NPHP4: variants seen among roughly 807,000 people sequenced by gnomAD.
NPHP4 encodes nephrocystin-4.
Under a neutral mutation model 155.8 loss-of-function variants are expected in NPHP4, and 151 were observed. The ratio of observed to expected loss-of-function variants is 0.97; its 90% CI spans 0.85 to 1.11. NPHP4 has a LOEUF of 1.11. Ranked by LOEUF, NPHP4 falls within the 50% of genes least tolerant of loss-of-function variation. The pLI is 0.00. For synonymous variants in NPHP4, 845 were observed against 816.8 expected, an observed-to-expected ratio of 1.03 and a Z score of -0.59; for missense variants, 1,956 against 1,925.7, an observed-to-expected ratio of 1.02 and a Z score of -0.29.
intron 8 of NPHP4, among the ~76,000 whole-genome samples, chr1:5,947,517 G>T (rs758751851): frequency 1.7e-4 from 26 of 152,170 alleles, no homozygotes; most frequent in Non-Finnish European, 2.9e-4. Flanking sequence ...CTCTTTCAAC[G>T]CATTTCCAAA....
In NPHP4 at chr1:5,952,746, A is replaced by G. The variant is rs1453798014; in HGVS notation, c.764T>C (p.Phe255Ser). 4 of 1,567,594 alleles carry G rather than the reference A, an allele frequency of 2.6e-6. No individual in the cohort carries two copies. Among genetic ancestry groups the G allele is most frequent in the African/African-American group, 2.7e-5 (2 of 73,652 alleles). Reference sequence around the variant, plus strand: ...GTGGAGCTCCAGCAGCTCTTCCTCAAACTTCTCCAGGGAGGGGTACAGGGT... The same window carrying G: ...GTGGAGCTCCAGCAGCTCTTCCTCAGACTTCTCCAGGGAGGGGTACAGGGT... The part of the protein sequence containing the change: ...FFTLYPSLEK[F>S]EEELLELHVQ... Residue 255 changes from phenylalanine (F) to serine (S), a missense_variant, in exon 7 of 30, where the codon TTT becomes TCT. Coordinates refer to ENST00000378156, the MANE Select transcript of NPHP4 (RefSeq NM_015102.5).
chr1:5,959,995 C>A lies in NPHP4; in HGVS notation c.673+1799G>T, dbSNP rs141749860. Among the ~76,000 whole-genome samples the A allele has an allele frequency of 1.8e-4, 27 of 152,344 alleles. No individual in the cohort carries two copies. The East Asian group carries it at 5.2e-3, about 29-fold the overall frequency. The stretch of plus-strand genomic sequence containing the variant: ...AAGCAGGCGACATCTCACAGCGGCG[C>A]CTACAGGGCCCTCCCTGGCCAGCAG... On this transcript the variant is annotated intron_variant, in intron 6 of 29. Coordinates refer to ENST00000378156, the MANE Select transcript of NPHP4 (RefSeq NM_015102.5).
chr1:5,877,250 A>G lies in NPHP4; in HGVS notation c.2660T>C (p.Leu887Pro). 2 of 1,608,458 alleles carry G rather than the reference A, an allele frequency of 1.2e-6. No homozygotes were observed. Among genetic ancestry groups the G allele is most frequent in the Non-Finnish European group, 1.7e-6 (2 of 1,176,092 alleles). ...AQKLADVDSE[L>P]AAMLLTHARQ... ...GGCATGGGTCAGTAGCATGGCAGCCAGCTCACTGTCCACGTCCGCCAGCTT... is the reference window on the plus strand; with the variant it reads ...GGCATGGGTCAGTAGCATGGCAGCCGGCTCACTGTCCACGTCCGCCAGCTT... Residue 887 changes from leucine (L) to proline (P), a missense_variant, in exon 20 of 30, where the codon CTG becomes CCG. Leu to Pro is a moderately conservative substitution (Grantham distance 98, BLOSUM62 -3). Coordinates refer to ENST00000378156, the MANE Select transcript of NPHP4 (RefSeq NM_015102.5).
intron 9 of NPHP4, among the ~76,000 whole-genome samples, chr1:5,938,373 G>C (rs200802888): frequency 1.3e-5 from 2 of 152,226 alleles, no homozygotes; most frequent in East Asian, 3.9e-4. Context: ...TGAGCAGCAG[G>C]AAGAACCAGG....
At chr1:5,870,905 G>A (rs1641934903) in intron 23 of NPHP4, among the ~76,000 whole-genome samples, 1 of 152,198 alleles carries the variant, frequency 6.6e-6, no homozygotes, top group African/African-American at 2.4e-5. Flanking sequence ...AGGCTGGTGG[G>A]GGCCACTGGA....
At position 5,947,092 on chromosome 1, in the gene NPHP4, G is replaced by A; in HGVS notation, c.1119+12C>T. On this transcript the variant is annotated intron_variant, in intron 9 of 29. Transcript: ENST00000378156. ...CACCAGAGGAAACCGAGTGCAAAAG[G>A]GCTGTTCTTACATTGCCGTCCACTC... The A allele has an allele frequency of 1.2e-6, 2 of 1,613,792 alleles. No homozygotes were observed. The highest frequency in any genetic ancestry group is 1.7e-6 in the Non-Finnish European group (2 of 1,179,796).
At chr1:5,874,827 C>G in intron 21 of NPHP4, 47 bp downstream of exon 21, 5 of 1,587,612 alleles carry the variant, frequency 3.1e-6, no homozygotes, top group Non-Finnish European at 4.3e-6. Context: ...CGGCTGCACC[C>G]GACACAGATC....
intron 6 of NPHP4, among the ~76,000 whole-genome samples, chr1:5,957,371 G>A (rs1041001733): frequency 6.6e-5 from 10 of 152,290 alleles, no homozygotes; most frequent in South Asian, 4.1e-4. Context: ...AGGCCCTAAC[G>A]GGCTCCCACA....
chr1:5,888,813 GC>G (rs1230765818), intron 17 of NPHP4, among the ~76,000 whole-genome samples: 1 of 152,190 alleles, frequency 6.6e-6, no homozygotes, highest in African/African-American at 2.4e-5. Flanking sequence ...GCCTGGCTGA[GC>G]CTTCGGGCCA....
rs1417232207 is a variant in NPHP4, at chr1:5,862,978, A to T, written c.*287T>A. The T allele has an allele frequency of 6.5e-6, 3 of 459,866 alleles. No homozygotes were observed. The highest frequency in any genetic ancestry group is 3.9e-5 in the African/African-American group (2 of 51,886). The allele number at this position is 459,866 out of a possible 1,614,324, so 28.5% of individuals were successfully genotyped here. A position where few individuals can be genotyped will look rare whatever the true frequency, so the allele number is the denominator to read the frequency against. ...AAAATACATTTTGAGCAACAGCGAT[A>T]ACGAGGGTCCCACATGCGTAGATGG... On this transcript the variant is annotated 3_prime_UTR_variant, in exon 30 of 30. Coordinates refer to ENST00000378156, the MANE Select transcript of NPHP4 (RefSeq NM_015102.5).
At chr1:5,927,448 T>A (rs1452317874) in intron 11 of NPHP4, among the ~76,000 whole-genome samples, 2 of 152,218 alleles carry the variant, frequency 1.3e-5, no homozygotes. Context: ...AGCACAAGCT[T>A]CTGGGCCACA....
chr1:5,895,860 G>A (rs1644369369), intron 16 of NPHP4, among the ~76,000 whole-genome samples: 3 of 152,188 alleles, frequency 2.0e-5, no homozygotes, highest in South Asian at 2.1e-4. Flanking sequence ...CCGTAGAAAC[G>A]GGCACAGGCG....
chr1:5,949,267 A>ACCATAAGAC (rs1464153575), intron 7 of NPHP4, among the ~76,000 whole-genome samples: 2 of 151,792 alleles, frequency 1.3e-5, no homozygotes, highest in Non-Finnish European at 2.9e-5. Context: ...CTTTGTGTTT[A>ACCATAAGAC]CATAAGACCA....
In NPHP4 at chr1:5,968,708, G is replaced by C. The variant is rs555483959; in HGVS notation, c.452+379C>G. The stretch of plus-strand genomic sequence containing the variant: ...GTACAGCCTTCTACTGCCACCATAA[G>C]ACGAGCAGTTAAACCACCATAGAAA... On this transcript the variant is annotated intron_variant, in intron 4 of 29. Transcript: ENST00000378156. Among the ~76,000 whole-genome samples the C allele has an allele frequency of 6.7e-4, 102 of 152,134 alleles. 3 individuals are homozygous for C. In the South Asian group the frequency reaches 0.02, roughly 30 times the overall value.
chr1:5,926,487 A>G (rs1488860900), intron 11 of NPHP4, among the ~76,000 whole-genome samples: 8 of 152,214 alleles, frequency 5.3e-5, no homozygotes, highest in Non-Finnish European at 7.3e-5. Flanking sequence ...ATGTGTCTGC[A>G]CTGAACACGT....
At chr1:5,877,922 G>A (rs1227212993) in intron 19 of NPHP4, among the ~76,000 whole-genome samples, 2 of 152,224 alleles carry the variant, frequency 1.3e-5, no homozygotes, top group Admixed American at 6.5e-5. Flanking sequence ...GCACTGGCAG[G>A]CAAAGGCTCA....
chr1:5,914,259 A>C (rs897832163), intron 11 of NPHP4, among the ~76,000 whole-genome samples: 4,346 of 97,326 alleles, frequency 0.045, 239 homozygotes, highest in African/African-American at 0.15. Context: ...TATCTATACA[A>C]AAAAAAAAAA....
intron 23 of NPHP4, among the ~76,000 whole-genome samples, chr1:5,872,710 T>C (rs1642129003): frequency 6.6e-6 from 1 of 152,208 alleles, no homozygotes; most frequent in Admixed American, 6.5e-5. Flanking sequence ...TGTTTTTCAC[T>C]TCCCAACTAC....
In NPHP4 at chr1:5,887,424, C is replaced by T. The variant is rs1349132502; in HGVS notation, c.2347G>A (p.Glu783Lys). ...QGRPAVQASH[E>K]LEVVATEYEQ... ...TATTCAGTTGCCACGACCTCAAGCT[C>T]GTGGGAGGCCTGCACAGCCGGCCGG... is the stretch of plus-strand genomic sequence containing the variant. The change falls in exon 18 of 30, where the codon GAG (glutamate) becomes AAG (lysine). Residue 783 changes from glutamate to lysine, a missense_variant. Physicochemically the swap from Glu to Lys is moderately conservative, Grantham distance 56 (BLOSUM62 1). Coordinates refer to ENST00000378156, the MANE Select transcript of NPHP4 (RefSeq NM_015102.5). 4.3e-6 allele frequency: 7 copies of T among 1,613,320 alleles called. No individual in the cohort carries two copies. The highest frequency in any genetic ancestry group is 2.2e-5 in the South Asian group (2 of 91,088).
Sources: gnomAD v4.1 joint callset for allele counts (sites outside exome capture counted in the v4.1 genomes callset) on GRCh38, gnomAD v4.1.1 for gene constraint, MANE v1.5 for transcripts, NCBI Gene and HGNC (gene_info 2026-07-23, HGNC 2026-07-21) for gene names.